Variants in THEMIS observed in about 807,000 individuals in gnomAD.
THEMIS encodes protein THEMIS.
THEMIS carries 37 observed loss-of-function variants against 52.6 expected under a neutral mutation model. That is an observed-to-expected ratio of 0.70 (90% confidence interval 0.54 to 0.93). THEMIS has a LOEUF of 0.93. Among genes scored for constraint, THEMIS ranks in the 40% least tolerant of loss-of-function variants. The pLI, the probability that THEMIS is intolerant of heterozygous loss-of-function variation, is 0.00. For synonymous variants in THEMIS, 292 were observed against 272.7 expected (o/e 1.07, Z -0.70); for missense variants, 808 against 763.1 (o/e 1.06, Z -0.69).
At chr6:127,717,763 C>G (rs887034482) in intron 5 of THEMIS, among the ~76,000 whole-genome samples, 4 of 151,400 alleles carry the variant, frequency 2.6e-5, no homozygotes, top group African/African-American at 9.7e-5. Context: ...AGAATTAGGT[C>G]TGGGTATCCT....
chr6:127,732,865 G>A (rs139351917), intron 4 of THEMIS, among the ~76,000 whole-genome samples: 1 of 152,278 alleles, frequency 6.6e-6, no homozygotes, highest in African/African-American at 2.4e-5. Flanking sequence ...ATATGAATAC[G>A]TTGCTGTAGA....
At chr6:127,749,004 G>T (rs1775544594) in intron 4 of THEMIS, among the ~76,000 whole-genome samples, 1 of 151,998 alleles carries the variant, frequency 6.6e-6, no homozygotes, top group African/African-American at 2.4e-5. Context: ...ATAAATGAGG[G>T]AGTGGGATAA....
At chr6:127,733,970 G>T (rs1246264455) in intron 4 of THEMIS, among the ~76,000 whole-genome samples, 1 of 152,138 alleles carries the variant, frequency 6.6e-6, no homozygotes, top group Non-Finnish European at 1.5e-5. Flanking sequence ...TCCAGTTTCT[G>T]CATGAGTGGC....
intron 4 of THEMIS, among the ~76,000 whole-genome samples, chr6:127,742,360 A>C (rs1459244086): frequency 6.6e-6 from 1 of 150,620 alleles, no homozygotes; most frequent in Middle Eastern, 3.2e-3. Context: ...AAACAAAAAA[A>C]CAAAACAAAA....
chr6:127,743,241 C>T (rs1775269935), intron 4 of THEMIS, among the ~76,000 whole-genome samples: 1 of 152,068 alleles, frequency 6.6e-6, no homozygotes, highest in Non-Finnish European at 1.5e-5. Context: ...TGCATTAGAG[C>T]CCCTTAATTT....
At chr6:127,776,635 C>G (rs1315285138) in intron 4 of THEMIS, among the ~76,000 whole-genome samples, 1 of 152,178 alleles carries the variant, frequency 6.6e-6, no homozygotes, top group Non-Finnish European at 1.5e-5. Flanking sequence ...TTAAGCTGCT[C>G]CCAGATTCTT....
At chr6:127,890,010 A>G (rs1463917532) in intron 1 of THEMIS, among the ~76,000 whole-genome samples, 3 of 152,118 alleles carry the variant, frequency 2.0e-5, no homozygotes, top group African/African-American at 4.8e-5. Flanking sequence ...GTCTGCGTAC[A>G]ACTGCTATCT....
chr6:127,909,778 G>A (rs1781365078), intron 1 of THEMIS: 1 of 152,154 alleles, frequency 6.6e-6, no homozygotes, highest in South Asian at 2.1e-4. Context: ...GAATGGTGAT[G>A]GGTGCAGGTT....
In THEMIS at chr6:127,814,051, T is replaced by C. The variant is rs1222806149; in HGVS notation, c.710-120A>G. ...AAATAAAGAACTCAGATGATCATCA[T>C]ATATCATTTCTTATGTGTGATTTTC... On this transcript the variant is annotated intron_variant, in intron 3 of 5. Coordinates refer to ENST00000368248, the MANE Select transcript of THEMIS (RefSeq NM_001010923.3). The C allele has an allele frequency of 7.1e-6, 6 of 842,858 alleles. No individual in the cohort carries two copies. The African/African-American group carries it at 8.8e-5, about 12-fold the overall frequency. The allele number at this position is 842,858 out of a possible 1,614,324, so 52.2% of individuals were successfully genotyped here.
At chr6:127,902,902 C>T (rs1781180602), upstream of THEMIS, among the ~76,000 whole-genome samples, 1 of 151,982 alleles carries the variant, frequency 6.6e-6, no homozygotes, top group Non-Finnish European at 1.5e-5. Context: ...AGCTGGATAT[C>T]ACTTATTTTT....
chr6:127,814,070 G>T, intron 3 of THEMIS, 139 bp from the exon 4 acceptor site: 1 of 759,608 alleles, frequency 1.3e-6, no homozygotes, highest in Non-Finnish European at 1.9e-6. Flanking sequence ...TCTTATGTGT[G>T]ATTTTCCTTT....
intron 1 of THEMIS, among the ~76,000 whole-genome samples, chr6:127,867,588 C>A (rs1301508653): frequency 6.6e-6 from 1 of 152,044 alleles, no homozygotes; most frequent in East Asian, 1.9e-4. Flanking sequence ...CACCTCACAA[C>A]CTATTGGCCC....
chr6:127,785,263 T>TCTATCTACC (rs1776905916), intron 4 of THEMIS, among the ~76,000 whole-genome samples: 1 of 74,096 alleles, frequency 1.3e-5, no homozygotes, highest in Non-Finnish European at 3.5e-5. Flanking sequence ...ATCTATCTAT[T>TCTATCTACC]TATCACCTAT....
chr6:127,734,694 C>A (rs1480675717), intron 4 of THEMIS, among the ~76,000 whole-genome samples: 2 of 151,346 alleles, frequency 1.3e-5, no homozygotes, highest in African/African-American at 2.4e-5. Flanking sequence ...CATGGTGAAA[C>A]CCCCTCTCTA....
chr6:127,801,710 A>G (rs2114563794), intron 4 of THEMIS, among the ~76,000 whole-genome samples: 1 of 152,194 alleles, frequency 6.6e-6, no homozygotes, highest in South Asian at 2.1e-4. Flanking sequence ...GGCAACGGTG[A>G]TGGCCTCCCC....
chr6:127,885,721 G>A (rs1409528643), intron 1 of THEMIS, among the ~76,000 whole-genome samples: 3 of 151,600 alleles, frequency 2.0e-5, no homozygotes, highest in Non-Finnish European at 4.4e-5. Context: ...CTCTGAAGAA[G>A]GGAATGACAA....
chr6:127,751,739 T>C (rs1775650805), intron 4 of THEMIS, among the ~76,000 whole-genome samples: 1 of 151,584 alleles, frequency 6.6e-6, no homozygotes, highest in Non-Finnish European at 1.5e-5. Context: ...TAGACAACAA[T>C]ACACTAATGT....
At chr6:127,749,041 T>A (rs1280936892) in intron 4 of THEMIS, among the ~76,000 whole-genome samples, 2 of 152,098 alleles carry the variant, frequency 1.3e-5, no homozygotes, top group African/African-American at 4.8e-5. Flanking sequence ...TCATTTAGTT[T>A]AACATTCCAC....
chr6:127,885,097 A>T (rs2114446058), intron 1 of THEMIS, among the ~76,000 whole-genome samples: 1 of 152,156 alleles, frequency 6.6e-6, no homozygotes, highest in Admixed American at 6.5e-5. Context: ...GAATACATTC[A>T]GTCCATAACA....
Sources: allele counts gnomAD v4.1 joint callset (sites outside exome capture counted in the v4.1 genomes callset), GRCh38; gene constraint gnomAD v4.1.1; transcripts MANE v1.5; gene names NCBI Gene and HGNC (gene_info 2026-07-23, HGNC 2026-07-21).